TECRL: variants seen among roughly 807,000 people sequenced by gnomAD.
TECRL encodes trans-2,3-enoyl-CoA reductase like, also known as trans-2,3-enoyl-CoA reductase-like.
A neutral mutation model predicts 52.8 loss-of-function variants in TECRL; 63 were observed. The observed-to-expected ratio is 1.19, with a 90% confidence interval of 0.97 to 1.47. TECRL has a LOEUF of 1.47. Among genes scored for constraint, TECRL ranks in the 40% most tolerant of loss-of-function variants. The probability of loss-of-function intolerance (pLI) is 0.00; values close to 1 mark genes in which losing one functional copy is unlikely to be tolerated. For synonymous variants in TECRL, 164 were observed against 141.9 expected (o/e 1.16, Z -1.10); for missense variants, 482 against 429.6 (o/e 1.12, Z -1.08).
Position 64,409,315 on chromosome 4 carries a change from T to C in TECRL, c.37A>G (p.Lys13Glu), listed in dbSNP as rs749801765. The change falls in exon 1 of 12, where the codon AAG becomes GAG. Residue 13 changes from lysine (K) to glutamate (E), a missense_variant. Coordinates refer to ENST00000381210, the MANE Select transcript of TECRL (RefSeq NM_001010874.5). ...GCTCTTTGGGAAAGTAATGCTCTCT[T>C]GCGTTCCGAAGCGAGGGACTTGTGC... ...KRHKSLASER[K>E]RALLSQRATR... 3.1e-6 allele frequency: 5 copies of C among 1,613,656 alleles called. No homozygotes were observed. The highest frequency in any genetic ancestry group is 4.2e-6 in the Non-Finnish European group (5 of 1,179,780).
chr4:64,405,003 T>G (rs866795706), intron 1 of TECRL, among the ~76,000 whole-genome samples: 7 of 151,970 alleles, frequency 4.6e-5, no homozygotes, highest in Admixed American at 6.6e-5. Context: ...AAGATACAAG[T>G]GTGTAAAACA....
chr4:64,358,702 C>T (rs1720960914), intron 2 of TECRL, among the ~76,000 whole-genome samples: 2 of 151,626 alleles, frequency 1.3e-5, no homozygotes, highest in South Asian at 4.2e-4. Flanking sequence ...GAATCTGATG[C>T]CTTCCCAACA....
chr4:64,361,054 C>A (rs1721154038), intron 2 of TECRL, among the ~76,000 whole-genome samples: 1 of 110,090 alleles, frequency 9.1e-6, no homozygotes, highest in African/African-American at 3.1e-5. Flanking sequence ...TGTGACAGGG[C>A]CAGTCTGATC....
Position 64,303,240 on chromosome 4 carries a change from G to GA in TECRL, c.730+1925dup, listed in dbSNP as rs5858873. On this transcript the variant is annotated intron_variant, in intron 7 of 11. Transcript: ENST00000381210. The stretch of plus-strand genomic sequence containing the variant: ...ATATAGAAAATAGTGAAATTTTACA[G>GA]AAAAAAAACAATAAATGGCATAAGC... Among the ~76,000 whole-genome samples, 124 of 151,054 alleles carry GA rather than the reference G, an allele frequency of 8.2e-4. 1 individual carries two copies. The highest frequency in any genetic ancestry group is 3.4e-3 in the Middle Eastern group (1 of 294).
At chr4:64,403,560 A>G (rs975406560) in intron 1 of TECRL, among the ~76,000 whole-genome samples, 3 of 151,844 alleles carry the variant, frequency 2.0e-5, no homozygotes, top group African/African-American at 7.3e-5. Flanking sequence ...TTCTTCTTAT[A>G]AACTATCTAG....
chr4:64,307,074 TCCTCCAAGTTTAACAACC>T (rs1724382919), intron 6 of TECRL, among the ~76,000 whole-genome samples: 1 of 152,164 alleles, frequency 6.6e-6, no homozygotes, highest in Admixed American at 6.6e-5. Flanking sequence ...CACCTATTCT[TCCTCCAAGTTTAACAACC>T]CCTGGGCAGG....
chr4:64,337,691 A>G (rs1006536954), intron 2 of TECRL, among the ~76,000 whole-genome samples: 18 of 152,174 alleles, frequency 1.2e-4, no homozygotes, highest in Non-Finnish European at 2.4e-4. Context: ...CTTCAAAGAG[A>G]ATAAAATACC....
intron 2 of TECRL, among the ~76,000 whole-genome samples, chr4:64,373,999 T>C (rs1722164997): frequency 3.0e-5 from 1 of 33,022 alleles, no homozygotes; most frequent in African/African-American, 8.4e-5. Flanking sequence ...ATATCTACTA[T>C]ACTATAGTAT....
chr4:64,309,750 C>A (rs1724554838), intron 6 of TECRL, 76 bp downstream of exon 6: 2 of 944,956 alleles, frequency 2.1e-6, no homozygotes, highest in Admixed American at 2.1e-5. Flanking sequence ...CGGAAGGAAA[C>A]AATGATTAAA....
chr4:64,293,303 T>C (rs1308446522), intron 8 of TECRL, among the ~76,000 whole-genome samples: 1 of 152,136 alleles, frequency 6.6e-6, no homozygotes, highest in Non-Finnish European at 1.5e-5. Flanking sequence ...ATTAATTTTA[T>C]TTTTAATCAG....
intron 6 of TECRL, 66 bp downstream of exon 6, chr4:64,309,760 A>C (rs1178118663): frequency 1.9e-6 from 2 of 1,034,796 alleles, no homozygotes; most frequent in South Asian, 1.4e-5. Flanking sequence ...CAATGATTAA[A>C]TATTTTGCAA....
intron 9 of TECRL, among the ~76,000 whole-genome samples, chr4:64,286,327 A>C (rs1723080263): frequency 6.6e-6 from 1 of 152,114 alleles, no homozygotes; most frequent in African/African-American, 2.4e-5. Flanking sequence ...ATATATTTTC[A>C]TTTGCTTAAG....
chr4:64,408,642 A>G (rs897149549), intron 1 of TECRL, among the ~76,000 whole-genome samples: 4 of 152,076 alleles, frequency 2.6e-5, no homozygotes, highest in African/African-American at 9.7e-5. Flanking sequence ...TCAATTCAAA[A>G]TAATGCTTAA....
downstream of TECRL, chr4:64,276,872 T>G (rs574894217): frequency 2.2e-5 from 9 of 417,722 alleles, no homozygotes. Context: ...CATATACATA[T>G]GCATATGTGT....
chr4:64,372,208 T>A (rs1028239788), intron 2 of TECRL, among the ~76,000 whole-genome samples: 4 of 151,698 alleles, frequency 2.6e-5, no homozygotes, highest in Non-Finnish European at 4.4e-5. Context: ...GAACAATAAT[T>A]ACAAGTGTTA....
At chr4:64,408,244 G>T (rs554428413) in intron 1 of TECRL, among the ~76,000 whole-genome samples, 1 of 151,750 alleles carries the variant, frequency 6.6e-6, no homozygotes, top group African/African-American at 2.4e-5. Context: ...ATGGAAAAAC[G>T]GAATGATTGA....
At chr4:64,285,713 A>T (rs534535465) in intron 9 of TECRL, among the ~76,000 whole-genome samples, 9 of 152,256 alleles carry the variant, frequency 5.9e-5, no homozygotes, top group Non-Finnish European at 1.2e-4. Context: ...ATAGATCAGA[A>T]CCCTGAATAG....
intron 2 of TECRL, among the ~76,000 whole-genome samples, chr4:64,360,537 C>T (rs1721103168): frequency 6.6e-6 from 1 of 152,108 alleles, no homozygotes; most frequent in African/African-American, 2.4e-5. Context: ...GCCAAGATGG[C>T]TGACTAGACG....
chr4:64,278,230 T>G lies in TECRL; in HGVS notation c.*1842A>C, dbSNP rs1722645921. 6.6e-6 allele frequency: 1 copy of G among 151,806 alleles called. No individual in the cohort carries two copies. Among genetic ancestry groups the G allele is most frequent in the South Asian group, 2.1e-4 (1 of 4,828 alleles). The allele number at this position is 151,806 out of a possible 1,614,324, so 9.4% of individuals were successfully genotyped here. ...AATATTTTAATTGTAAATTTCAGTA[T>G]GATAACATACAATGTCTGTATTATT... On this transcript the variant is annotated 3_prime_UTR_variant, in exon 12 of 12. Coordinates refer to ENST00000381210, the MANE Select transcript of TECRL (RefSeq NM_001010874.5).
Sources: allele counts gnomAD v4.1 joint callset (sites outside exome capture counted in the v4.1 genomes callset), GRCh38; gene constraint gnomAD v4.1.1; transcripts MANE v1.5; gene names NCBI Gene and HGNC (gene_info 2026-07-23, HGNC 2026-07-21).